TPCN2: variants seen among roughly 807,000 people sequenced by gnomAD.
TPCN2 encodes the protein two pore segment channel 2.
A neutral mutation model predicts 111.4 loss-of-function variants in TPCN2; 92 were observed. That is an observed-to-expected ratio of 0.83 (90% CI 0.70 to 0.98). TPCN2 has a LOEUF of 0.98. Among genes scored for constraint, TPCN2 ranks in the 50% least tolerant of loss-of-function variants. TPCN2 has a pLI of 0.00. For missense variants in TPCN2, 995 were observed against 980.1 expected, an observed-to-expected ratio of 1.02 and a Z score of -0.20; for synonymous variants, 405 against 414.5, an observed-to-expected ratio of 0.98 and a Z score of 0.28.
chr11:69,075,104 G>C (rs188636051), intron 13 of TPCN2, among the ~76,000 whole-genome samples: 2 of 152,160 alleles, frequency 1.3e-5, no homozygotes, highest in African/African-American at 4.8e-5. Context: ...CCAGCCTGGT[G>C]GTCTCCCTGG....
intron 1 of TPCN2, among the ~76,000 whole-genome samples, chr11:69,051,102 C>G (rs1861207344): frequency 6.6e-6 from 1 of 152,248 alleles, no homozygotes; most frequent in Non-Finnish European, 1.5e-5. Context: ...GCCCTGTGCT[C>G]TGGTTTGCAA....
chr11:69,085,761 T>C lies in TPCN2; in HGVS notation c.1920+9T>C, dbSNP rs1565096454. ...ACTTCGATGACTTTGCGGTGAGCCCTGCGCCCTGTCCCAGCACCCTGCTCC... is the reference window on the plus strand; with the variant it reads ...ACTTCGATGACTTTGCGGTGAGCCCCGCGCCCTGTCCCAGCACCCTGCTCC... On this transcript the variant is annotated intron_variant, in intron 21 of 24. Coordinates refer to ENST00000294309, the MANE Select transcript of TPCN2 (RefSeq NM_139075.4). The C allele has an allele frequency of 6.2e-7, 1 of 1,613,872 alleles. No individual in the cohort carries two copies. Among genetic ancestry groups the C allele is most frequent in the South Asian group, 1.1e-5 (1 of 91,080 alleles).
intron 18 of TPCN2, among the ~76,000 whole-genome samples, chr11:69,083,510 C>G (rs182047541): frequency 9.2e-5 from 14 of 152,326 alleles, no homozygotes; most frequent in Admixed American, 2.0e-4. Context: ...GCTCCTGCCA[C>G]CTCTAGCTCT....
chr11:69,052,728 G>A (rs188887986), intron 1 of TPCN2, among the ~76,000 whole-genome samples: 1 of 152,326 alleles, frequency 6.6e-6, no homozygotes, highest in Non-Finnish European at 1.5e-5. Context: ...GCCTCCCTAA[G>A]GATGGCCAGT....
intron 23 of TPCN2, 79 bp downstream of exon 23, chr11:69,086,683 C>A: frequency 7.1e-7 from 1 of 1,404,524 alleles, no homozygotes; most frequent in Non-Finnish European, 1.0e-6. Flanking sequence ...AGGCCACCGG[C>A]CGGGCCTGCC....
intron 1 of TPCN2, among the ~76,000 whole-genome samples, chr11:69,050,174 C>T (rs1375885958): frequency 1.3e-5 from 2 of 152,222 alleles, no homozygotes; most frequent in Non-Finnish European, 2.9e-5. Flanking sequence ...CCTGTCTGCT[C>T]ACCTCAGAAG....
Position 69,067,609 on chromosome 11 carries a change from C to A in TPCN2, c.829+4C>A. Reference sequence around the variant, plus strand: ...ACCACGGCCAACAACCCCGATGGTGCGTGCAGGGCCAGGGAGGGACCGTGG... The same window carrying A: ...ACCACGGCCAACAACCCCGATGGTGAGTGCAGGGCCAGGGAGGGACCGTGG... On this transcript the variant is annotated splice_donor_region_variant and intron_variant, in intron 8 of 24. Transcript: ENST00000294309. 1 of 1,613,382 alleles carries A rather than the reference C, an allele frequency of 6.2e-7. No homozygotes were observed. The highest frequency in any genetic ancestry group is 8.5e-7 in the Non-Finnish European group (1 of 1,179,882).
intron 1 of TPCN2, among the ~76,000 whole-genome samples, chr11:69,053,282 G>T: frequency 6.6e-6 from 1 of 152,260 alleles, no homozygotes; most frequent in East Asian, 1.9e-4. Context: ...GGCACCGGCA[G>T]AGGCTGGGGG....
At chr11:69,056,640 T>C (rs1455535408) in intron 4 of TPCN2, among the ~76,000 whole-genome samples, 1 of 151,550 alleles carries the variant, frequency 6.6e-6, no homozygotes, top group Non-Finnish European at 1.5e-5. Context: ...TTTAGGTGAT[T>C]CTCCTGCCTC....
intron 5 of TPCN2, among the ~76,000 whole-genome samples, chr11:69,061,321 T>C (rs1383647867): frequency 1.3e-5 from 2 of 151,364 alleles, no homozygotes; most frequent in East Asian, 4.1e-4. Context: ...ACTGACTGGC[T>C]GGGCCTGTTC....
In TPCN2 at chr11:69,071,994, G is replaced by A; in HGVS notation, c.1032G>A (p.Met344Ile). The change falls in exon 11 of 25, where the codon ATG becomes ATA. Residue 344 changes from methionine (M) to isoleucine (I), a missense_variant. Met to Ile is a conservative substitution (Grantham distance 10). Transcript: ENST00000294309. ...CTGCCTTTGAAGTCCTATCCTCCAT[G>A]GTGGGGGAGGGAGGAGCCTTCCCTC... is the stretch of plus-strand genomic sequence containing the variant. The part of the protein sequence containing the change: ...TRAAFEVLSS[M>I]VGEGGAFPQA... 1 of 1,613,910 alleles carries A rather than the reference G, an allele frequency of 6.2e-7. No homozygotes were observed. Among genetic ancestry groups the A allele is most frequent in the South Asian group, 1.1e-5 (1 of 91,058 alleles).
chr11:69,077,513 G>A (rs1855846137), intron 13 of TPCN2, among the ~76,000 whole-genome samples: 2 of 152,258 alleles, frequency 1.3e-5, no homozygotes, highest in African/African-American at 4.8e-5. Flanking sequence ...GAGCCGAGAG[G>A]AAGTTCGCTG....
intron 5 of TPCN2, among the ~76,000 whole-genome samples, chr11:69,061,434 T>C (rs931992430): frequency 1.3e-5 from 2 of 152,248 alleles, no homozygotes; most frequent in Admixed American, 1.3e-4. Flanking sequence ...AAGATACTGA[T>C]GAGGATGCGA....
intron 2 of TPCN2, 129 bp from the exon 3 acceptor site, chr11:69,054,592 C>A: frequency 1.2e-6 from 1 of 858,494 alleles, no homozygotes; most frequent in South Asian, 1.6e-5. Flanking sequence ...TGGCCATGTC[C>A]ACACGCTGAA....
intron 2 of TPCN2, 99 bp from the exon 3 acceptor site, chr11:69,054,622 G>C (rs752885529): frequency 3.5e-6 from 4 of 1,151,856 alleles, no homozygotes; most frequent in Admixed American, 1.8e-5. Flanking sequence ...GTGATCCACA[G>C]CCTGAGACTT....
At position 69,085,623 on chromosome 11, in the gene TPCN2, C is replaced by T; in HGVS notation, c.1839-48C>T. ...GAAAGGGGTGTAAGGTATCAGGCCT[C>T]AGAACCTGGAGCCCCCGCCCCTGAC... On this transcript the variant is annotated intron_variant, in intron 20 of 24. Transcript: ENST00000294309. 3 of 1,292,940 alleles carry T rather than the reference C, an allele frequency of 2.3e-6. No homozygotes were observed. In the East Asian group the frequency reaches 6.9e-5, roughly 30 times the overall value. 80.1% of individuals were successfully genotyped at this position (1,292,940 alleles called of 1,614,324 possible).
rs371141244 is a variant in TPCN2, at chr11:69,054,038, G to A, written c.115G>A (p.Ala39Thr). Reference sequence around the variant, plus strand: ...TGTGTCCCCTCTGCCTGCAGGTGCCGCGGCCAGGTGGGACCTCTGCATTGA... The same window carrying A: ...TGTGTCCCCTCTGCCTGCAGGTGCCACGGCCAGGTGGGACCTCTGCATTGA... ...YRSIQVGPGAAARWDLCIDQA... is the reference protein window; with the variant it reads ...YRSIQVGPGATARWDLCIDQA... Residue 39 changes from alanine (A) to threonine (T), a missense_variant, in exon 2 of 25, where the codon GCG becomes ACG. Physicochemically the swap from Ala to Thr is moderately conservative, Grantham distance 58. Transcript: ENST00000294309. 12 of 1,613,750 alleles carry A rather than the reference G, an allele frequency of 7.4e-6. No homozygotes were observed. The highest frequency in any genetic ancestry group is 2.7e-5 in the African/African-American group (2 of 75,052).
chr11:69,070,231 G>A (rs1243479334), intron 8 of TPCN2, among the ~76,000 whole-genome samples, 199 bp from the exon 9 acceptor site: 1 of 151,966 alleles, frequency 6.6e-6, no homozygotes, highest in African/African-American at 2.4e-5. Context: ...TACTATGTTG[G>A]CCAGGCTGGT....
At chr11:69,070,885 A>AC in intron 9 of TPCN2, among the ~76,000 whole-genome samples, 1 of 105,920 alleles carries the variant, frequency 9.4e-6, no homozygotes, top group African/African-American at 3.8e-5. Flanking sequence ...GGGATCCCCC[A>AC]CCAACAGCTT....
Sources: gnomAD v4.1 joint callset for allele counts (sites outside exome capture counted in the v4.1 genomes callset) on GRCh38, gnomAD v4.1.1 for gene constraint, MANE v1.5 for transcripts, NCBI Gene and HGNC (gene_info 2026-07-23, HGNC 2026-07-21) for gene names.